The following ZSWIM6 variants were observed in gnomAD, a reference collection of about 807,000 sequenced individuals.
The protein encoded by ZSWIM6 is zinc finger SWIM domain-containing protein 6.
Under a neutral mutation model 113.2 loss-of-function variants are expected in ZSWIM6, and 9 were observed. The observed-to-expected ratio is 0.08, with a 90% CI of 0.05 to 0.14. The LOEUF (loss-of-function observed/expected upper bound fraction) is 0.14, where lower values mean the gene tolerates loss of function less well. Ranked by LOEUF, ZSWIM6 falls within the 10% of genes least tolerant of loss-of-function variation. The pLI is 1.00. For synonymous variants in ZSWIM6, 611 were observed against 606.5 expected (o/e 1.01, Z -0.11); for missense variants, 1,162 against 1,552.2 (o/e 0.75, Z 4.22).
chr5:61,494,712 T>C (rs1354742498), intron 4 of ZSWIM6, among the ~76,000 whole-genome samples: 1 of 152,138 alleles, frequency 6.6e-6, no homozygotes, highest in Non-Finnish European at 1.5e-5. Context: ...TTTTATATTG[T>C]AGAGCTGATT....
intron 1 of ZSWIM6, among the ~76,000 whole-genome samples, chr5:61,351,375 A>G (rs922880184): frequency 6.6e-6 from 1 of 152,212 alleles, no homozygotes; most frequent in Non-Finnish European, 1.5e-5. Flanking sequence ...AATATGTACC[A>G]TGGCAAGTGG....
intron 1 of ZSWIM6, among the ~76,000 whole-genome samples, chr5:61,392,428 C>T (rs1248113839): frequency 1.3e-5 from 2 of 152,030 alleles, no homozygotes; most frequent in Non-Finnish European, 2.9e-5. Flanking sequence ...TCAGACAACA[C>T]AGAAAATTGT....
chr5:61,523,024 G>C (rs955140022), intron 5 of ZSWIM6, among the ~76,000 whole-genome samples: 18 of 152,322 alleles, frequency 1.2e-4, no homozygotes, highest in African/African-American at 3.8e-4. Context: ...GTTTGGCCTA[G>C]GTGATACAAT....
chr5:61,462,296 G>GCAAA (rs1480811050), intron 1 of ZSWIM6, among the ~76,000 whole-genome samples: 1 of 152,178 alleles, frequency 6.6e-6, no homozygotes, highest in Non-Finnish European at 1.5e-5. Flanking sequence ...CACATGGAAG[G>GCAAA]CAAACATTAG....
At chr5:61,453,573 G>C (rs1404027032) in intron 1 of ZSWIM6, among the ~76,000 whole-genome samples, 1 of 151,662 alleles carries the variant, frequency 6.6e-6, no homozygotes, top group Non-Finnish European at 1.5e-5. Context: ...ATGGGGTTTT[G>C]CCATGTTGTC....
At chr5:61,396,867 A>G (rs976981685) in intron 1 of ZSWIM6, among the ~76,000 whole-genome samples, 1 of 152,328 alleles carries the variant, frequency 6.6e-6, no homozygotes, top group East Asian at 1.9e-4. Context: ...AATGTCTTCC[A>G]AATATTCCTT....
At chr5:61,341,343 T>TA (rs1744540136) in intron 1 of ZSWIM6, among the ~76,000 whole-genome samples, 1 of 152,212 alleles carries the variant, frequency 6.6e-6, no homozygotes, top group Non-Finnish European at 1.5e-5. Flanking sequence ...GGTGAAGAAT[T>TA]ACCTTGTTTT....
chr5:61,446,109 C>A (rs946390988), intron 1 of ZSWIM6, among the ~76,000 whole-genome samples: 10 of 152,188 alleles, frequency 6.6e-5, no homozygotes, highest in Non-Finnish European at 1.3e-4. Context: ...TCACTGCAAC[C>A]TCCACCTCCC....
intron 1 of ZSWIM6, chr5:61,391,124 T>G: frequency 2.6e-6 from 2 of 761,294 alleles, no homozygotes; most frequent in Non-Finnish European, 4.9e-6. Context: ...CAGGCCACTT[T>G]GCACAGGCCT....
chr5:61,521,287 TA>T lies in ZSWIM6; in HGVS notation c.1361del (p.Asn454ThrfsTer13). 1 of 1,501,948 alleles carries T rather than the reference TA, an allele frequency of 6.7e-7. No individual in the cohort carries two copies. Among genetic ancestry groups the T allele is most frequent in the Admixed American group, 2.2e-5 (1 of 44,446 alleles). 93.0% of individuals were successfully genotyped at this position (1,501,948 alleles called of 1,614,324 possible). A position where few individuals can be genotyped will look rare whatever the true frequency, so the allele number is the denominator to read the frequency against. ...GGTGCTCTGTGGATGTGTATAGTTTTAAACCCCCACTGCAAGTTGGAGCAAA... is the reference window on the plus strand; with the variant it reads ...GGTGCTCTGTGGATGTGTATAGTTTTAACCCCCACTGCAAGTTGGAGCAAA... ...ELGALWMCIVLNPHCKLEQKA... is the reference protein window; with the variant it reads ...ELGALWMCIVXNPHCKLEQKA... On this transcript the variant is annotated frameshift_variant, in exon 5 of 14. Coordinates refer to ENST00000252744, the MANE Select transcript of ZSWIM6 (RefSeq NM_020928.2). LOFTEE classifies it high-confidence loss of function.
At chr5:61,447,358 G>A (rs1746983234) in intron 1 of ZSWIM6, among the ~76,000 whole-genome samples, 1 of 152,142 alleles carries the variant, frequency 6.6e-6, no homozygotes, top group African/African-American at 2.4e-5. Flanking sequence ...TCCAACTGCT[G>A]CAGCAACAGA....
At chr5:61,377,740 C>T (rs1460351658) in intron 1 of ZSWIM6, among the ~76,000 whole-genome samples, 3 of 150,146 alleles carry the variant, frequency 2.0e-5, no homozygotes, top group East Asian at 3.9e-4. Context: ...CCCACAAAGT[C>T]AAAAGACAAG....
chr5:61,349,949 A>C (rs1744746050), intron 1 of ZSWIM6, among the ~76,000 whole-genome samples: 1 of 152,226 alleles, frequency 6.6e-6, no homozygotes, highest in Non-Finnish European at 1.5e-5. Flanking sequence ...GATCTTACAC[A>C]TTGTGAAATG....
At chr5:61,485,225 T>G (rs1050256065) in intron 2 of ZSWIM6, among the ~76,000 whole-genome samples, 2 of 152,154 alleles carry the variant, frequency 1.3e-5, no homozygotes, top group African/African-American at 4.8e-5. Context: ...TGGAATGACT[T>G]TCTCCTTCTT....
intron 1 of ZSWIM6, among the ~76,000 whole-genome samples, chr5:61,342,777 T>TA (rs1744574558): frequency 6.6e-6 from 1 of 152,222 alleles, no homozygotes; most frequent in South Asian, 2.1e-4. Flanking sequence ...AAAATGGACA[T>TA]ACTATAATAT....
chr5:61,494,122 C>CCACACACACA (rs35518308), intron 3 of ZSWIM6, 138 bp from the exon 4 acceptor site: 2 of 717,948 alleles, frequency 2.8e-6, no homozygotes, highest in South Asian at 4.5e-5. Context: ...CTATCCTCCA[C>CCACACACACA]CACACACACA....
chr5:61,521,366 A>G lies in ZSWIM6; in HGVS notation c.1437A>G (p.Pro479=), dbSNP rs2112261195. ...AATGGAATAGTGTTGATGTCTGTCC[A>G]TGGGAAGATGGAAATCATGGCAGTG... The part of the protein sequence containing the change: ...LKKWNSVDVC[P]WEDGNHGSEL... The change falls in exon 5 of 14, where the codon CCA becomes CCG. Residue 479 remains proline (P), a synonymous_variant. Transcript: ENST00000252744. 3 of 1,531,246 alleles carry G rather than the reference A, an allele frequency of 2.0e-6. No homozygotes were observed. The highest frequency in any genetic ancestry group is 1.8e-6 in the Non-Finnish European group (2 of 1,137,744). The allele number at this position is 1,531,246 out of a possible 1,614,324, so 94.9% of individuals were successfully genotyped here.
intron 4 of ZSWIM6, among the ~76,000 whole-genome samples, chr5:61,513,476 T>C (rs546300810): frequency 3.7e-4 from 57 of 152,148 alleles, no homozygotes; most frequent in Non-Finnish European, 7.4e-4. Context: ...TTTTAAATTT[T>C]GATGAAGTCT....
At chr5:61,378,462 C>T (rs1745414294) in intron 1 of ZSWIM6, among the ~76,000 whole-genome samples, 2 of 152,084 alleles carry the variant, frequency 1.3e-5, no homozygotes, top group Non-Finnish European at 2.9e-5. Context: ...CTTATGTATG[C>T]ATACAACATT....
Sources: gnomAD v4.1 joint callset for allele counts (sites outside exome capture counted in the v4.1 genomes callset) on GRCh38, gnomAD v4.1.1 for gene constraint, MANE v1.5 for transcripts, NCBI Gene and HGNC (gene_info 2026-07-23, HGNC 2026-07-21) for gene names.